The following CENPK variants were observed in gnomAD, a reference collection of about 807,000 sequenced individuals.
CENPK encodes SoxLZ/Sox6-binding protein Solt.
In CENPK, 46 loss-of-function variants were observed where a neutral mutation model predicts 40.9. The ratio of observed to expected loss-of-function variants is 1.13; its 90% CI spans 0.89 to 1.44. The LOEUF (loss-of-function observed/expected upper bound fraction) is 1.44, where lower values mean the gene tolerates loss of function less well. CENPK is among the 40% of genes most tolerant of loss of function. CENPK has a pLI of 0.00. For missense variants in CENPK, 288 were observed against 303.5 expected (o/e 0.95, Z 0.38); for synonymous variants, 107 against 104.4 (o/e 1.02, Z -0.15).
At chr5:65,514,228 A>ATAT (rs199873665), downstream of CENPK, among the ~76,000 whole-genome samples, 4 of 61,688 alleles carry the variant, frequency 6.5e-5, no homozygotes, top group Non-Finnish European at 6.1e-5. Context: ...GCCTCACATA[A>ATAT]TCTTTTTTTT....
intron 4 of CENPK, 149 bp downstream of exon 4, chr5:65,552,344 A>G (rs992125179): frequency 6.7e-6 from 3 of 450,808 alleles, no homozygotes; most frequent in Non-Finnish European, 1.2e-5. Context: ...TTCTTAAAGC[A>G]GGAAGAGTAA....
the CENPK span, among the ~76,000 whole-genome samples, chr5:65,504,664 A>G: frequency 6.6e-6 from 1 of 152,086 alleles, no homozygotes; most frequent in Non-Finnish European, 1.5e-5. Flanking sequence ...TCCTTTAAAC[A>G]TATATTGTAT....
intron 2 of CENPK, among the ~76,000 whole-genome samples, chr5:65,558,134 A>G (rs576822342): frequency 6.6e-6 from 1 of 152,128 alleles, no homozygotes; most frequent in East Asian, 1.9e-4. Context: ...ACAAACAAAC[A>G]AAACAAACAA....
chr5:65,497,736 G>C, the CENPK span, among the ~76,000 whole-genome samples: 21 of 152,348 alleles, frequency 1.4e-4, no homozygotes, highest in Middle Eastern at 3.4e-3. Flanking sequence ...GCAGGACAGT[G>C]GCTCACGCCT....
chr5:65,551,717 T>G (rs921987608), intron 4 of CENPK, 81 bp from the exon 5 acceptor site: 21 of 721,710 alleles, frequency 2.9e-5, no homozygotes, highest in Middle Eastern at 2.7e-4. Context: ...TTCTTAATAT[T>G]TTAAAACTTT....
intron 6 of CENPK, among the ~76,000 whole-genome samples, chr5:65,542,237 A>G (rs1020605050): frequency 4.6e-5 from 7 of 152,224 alleles, no homozygotes; most frequent in African/African-American, 1.7e-4. Flanking sequence ...GCGATGTTTA[A>G]TATTTTGCTT....
chr5:65,505,094 A>AT, the CENPK span, among the ~76,000 whole-genome samples: 6 of 150,522 alleles, frequency 4.0e-5, no homozygotes, highest in East Asian at 1.9e-4. Flanking sequence ...TATTCAGCTA[A>AT]TTTTTTTTTT....
At chr5:65,561,182 T>C in intron 2 of CENPK, 1 of 182,876 alleles carries the variant, frequency 5.5e-6, no homozygotes, top group Non-Finnish European at 1.2e-5. Flanking sequence ...AGTAGAAGGC[T>C]GAAAATCTCA....
the CENPK span, among the ~76,000 whole-genome samples, chr5:65,503,179 A>G: frequency 1.4e-5 from 2 of 139,558 alleles, no homozygotes; most frequent in African/African-American, 5.5e-5. Context: ...TCTCGATCTC[A>G]GCTCACTGCA....
the CENPK span, among the ~76,000 whole-genome samples, chr5:65,512,617 G>A: frequency 2.0e-5 from 3 of 152,208 alleles, no homozygotes; most frequent in Non-Finnish European, 4.4e-5. Flanking sequence ...ATAATGCTAT[G>A]TATAGTTACT....
chr5:65,496,607 TA>T, the CENPK span, among the ~76,000 whole-genome samples: 1 of 152,162 alleles, frequency 6.6e-6, no homozygotes, highest in Admixed American at 6.5e-5. Flanking sequence ...CATAATTTCA[TA>T]TTTTCTAGCA....
intron 6 of CENPK, among the ~76,000 whole-genome samples, chr5:65,539,688 C>T (rs780206702): frequency 2.6e-5 from 4 of 152,218 alleles, no homozygotes; most frequent in South Asian, 4.1e-4. Context: ...TCTGTCTGTG[C>T]TTCACTCACA....
At chr5:65,551,166 C>T (rs1020589310) in intron 5 of CENPK, 2 of 402,092 alleles carry the variant, frequency 5.0e-6, no homozygotes, top group African/African-American at 2.3e-5. Flanking sequence ...AGGAGGATCA[C>T]TTGAACCCGG....
At chr5:65,508,693 G>C in the CENPK span, among the ~76,000 whole-genome samples, 2 of 151,542 alleles carry the variant, frequency 1.3e-5, no homozygotes, top group Non-Finnish European at 2.9e-5. Context: ...GACTGAGGTG[G>C]GAGAATCACT....
intron 6 of CENPK, among the ~76,000 whole-genome samples, chr5:65,533,920 T>C (rs1311975774): frequency 1.3e-5 from 2 of 151,692 alleles, no homozygotes; most frequent in Admixed American, 6.6e-5. Context: ...TAGTGGCGGA[T>C]GCCTGTAGTC....
At chr5:65,502,178 T>C in the CENPK span, among the ~76,000 whole-genome samples, 3 of 152,332 alleles carry the variant, frequency 2.0e-5, no homozygotes, top group African/African-American at 7.2e-5. Context: ...AGGGTGGTTA[T>C]AGTTGAAAAG....
At chr5:65,516,042 G>A (rs1293882386), downstream of CENPK, among the ~76,000 whole-genome samples, 1 of 152,096 alleles carries the variant, frequency 6.6e-6, no homozygotes, top group Non-Finnish European at 1.5e-5. Context: ...TCTTATAAGG[G>A]CACTAACCTT....
At chr5:65,561,177 A>C (rs1751884835) in intron 2 of CENPK, 1 of 181,430 alleles carries the variant, frequency 5.5e-6, no homozygotes, top group Admixed American at 5.6e-5. Context: ...CAACTAGTAG[A>C]AGGCTGAAAA....
At chr5:65,553,434 C>T (rs1038223335) in intron 3 of CENPK, among the ~76,000 whole-genome samples, 25 of 123,558 alleles carry the variant, frequency 2.0e-4, no homozygotes, top group East Asian at 8.9e-4. Context: ...CATCCTGGGC[C>T]GCAGGTTGGA....
Sources: gnomAD v4.1 joint callset for allele counts (sites outside exome capture counted in the v4.1 genomes callset) on GRCh38, gnomAD v4.1.1 for gene constraint, MANE v1.5 for transcripts, NCBI Gene and HGNC (gene_info 2026-07-23, HGNC 2026-07-21) for gene names.